The following SULF2 variants were observed in gnomAD, a reference collection of about 807,000 sequenced individuals.
The protein encoded by SULF2 is sulfatase 2.
Under a neutral mutation model 107.7 loss-of-function variants are expected in SULF2, and 52 were observed. That is an observed-to-expected ratio of 0.48 (90% CI 0.39 to 0.61). The LOEUF is 0.61. SULF2 is among the 20% of genes least tolerant of loss of function. SULF2 has a pLI of 0.00. For missense variants in SULF2, 993 were observed against 1,177.3 expected (o/e 0.84, Z 2.29); for synonymous variants, 460 against 464.3 (o/e 0.99, Z 0.12).
At chr20:47,664,325 G>A in intron 14 of SULF2, 136 bp from the exon 15 acceptor site, 4 of 836,772 alleles carry the variant, frequency 4.8e-6, no homozygotes, top group South Asian at 4.7e-5. Flanking sequence ...GTGGTGGTGG[G>A]TAGGGCATGA....
chr20:47,748,872 G>C (rs989323300), intron 2 of SULF2, among the ~76,000 whole-genome samples: 1 of 152,108 alleles, frequency 6.6e-6, no homozygotes, highest in African/African-American at 2.4e-5. Flanking sequence ...TGGTTTCCTC[G>C]CACTTGCTCA....
chr20:47,661,106 C>T (rs1379091137), intron 18 of SULF2, among the ~76,000 whole-genome samples: 4 of 152,128 alleles, frequency 2.6e-5, no homozygotes, highest in Admixed American at 2.6e-4. Context: ...AATCTAAACT[C>T]TACCGTGGCC....
intron 3 of SULF2, chr20:47,706,394 T>C (rs2088738629): frequency 6.6e-6 from 1 of 152,110 alleles, no homozygotes; most frequent in Non-Finnish European, 1.5e-5. Flanking sequence ...AAAAGCCAGA[T>C]AGTCAGTATT....
At chr20:47,699,921 C>T (rs2088506861) in intron 4 of SULF2, among the ~76,000 whole-genome samples, 2 of 152,180 alleles carry the variant, frequency 1.3e-5, no homozygotes, top group African/African-American at 4.8e-5. Context: ...TCCTGGCTTG[C>T]TACCCTCTTT....
intron 6 of SULF2, among the ~76,000 whole-genome samples, chr20:47,683,551 G>C (rs1849226045): frequency 6.6e-6 from 1 of 150,456 alleles, no homozygotes; most frequent in Admixed American, 6.6e-5. Flanking sequence ...AGTGAAACTT[G>C]GGCTGCAGCC....
intron 11 of SULF2, among the ~76,000 whole-genome samples, chr20:47,670,277 C>T (rs1171674934): frequency 6.6e-6 from 1 of 152,116 alleles, no homozygotes; most frequent in African/African-American, 2.4e-5. Context: ...ACTGCAACCT[C>T]CCGCTCCCAG....
At chr20:47,675,885 A>G (rs2087624324) in intron 10 of SULF2, among the ~76,000 whole-genome samples, 1 of 151,834 alleles carries the variant, frequency 6.6e-6, no homozygotes, top group South Asian at 2.1e-4. Flanking sequence ...TTATGTTTTT[A>G]GAGACAGGGT....
intron 1 of SULF2, among the ~76,000 whole-genome samples, chr20:47,781,107 G>A (rs976582510): frequency 2.6e-5 from 4 of 152,224 alleles, no homozygotes; most frequent in East Asian, 1.9e-4. Flanking sequence ...CTGGCCCCCC[G>A]AAAGCACAGG....
Position 47,755,810 on chromosome 20 carries a change from C to T in SULF2, c.175+1379G>A, listed in dbSNP as rs575960126. Reference sequence around the variant, plus strand: ...TTTTACTAAGAATCAAACTCAAAGCCCCCACCATGGCCACAAGGCCTGGTG... The same window carrying T: ...TTTTACTAAGAATCAAACTCAAAGCTCCCACCATGGCCACAAGGCCTGGTG... On this transcript the variant is annotated intron_variant, in intron 2 of 20. Transcript: ENST00000688720. 2.8e-4 allele frequency among the ~76,000 whole-genome samples: 43 copies of T among 152,300 alleles called. No individual in the cohort carries two copies. The South Asian group carries it at 8.9e-3, about 32-fold the overall frequency.
chr20:47,671,091 C>G (rs2087454686), intron 11 of SULF2, among the ~76,000 whole-genome samples: 1 of 152,166 alleles, frequency 6.6e-6, no homozygotes, highest in South Asian at 2.1e-4. Context: ...GGGAGCTGAG[C>G]CTCAGAATGG....
At chr20:47,784,717 T>C (rs569366651) in intron 1 of SULF2, among the ~76,000 whole-genome samples, 3 of 152,320 alleles carry the variant, frequency 2.0e-5, no homozygotes, top group East Asian at 1.9e-4. Flanking sequence ...AAGGAATGTT[T>C]GGAAAAGTGC....
chr20:47,773,703 G>A (rs912392961), intron 1 of SULF2, among the ~76,000 whole-genome samples: 1 of 152,226 alleles, frequency 6.6e-6, no homozygotes, highest in Admixed American at 6.5e-5. Context: ...AAGGCCTTTG[G>A]CCAAAAGCAA....
At chr20:47,730,681 CT>C (rs1346386179) in intron 3 of SULF2, among the ~76,000 whole-genome samples, 2 of 152,200 alleles carry the variant, frequency 1.3e-5, no homozygotes, top group Non-Finnish European at 2.9e-5. Flanking sequence ...AACTCCTGAC[CT>C]TGTGATCCAC....
intron 3 of SULF2, among the ~76,000 whole-genome samples, chr20:47,722,653 C>T (rs1275127328): frequency 2.0e-5 from 3 of 152,168 alleles, no homozygotes; most frequent in African/African-American, 7.2e-5. Context: ...GTTCACTCGC[C>T]AGGTGCAGTG....
At position 47,665,582 on chromosome 20, in the gene SULF2, G is replaced by A. The variant is rs113804770; in HGVS notation, c.1902+275C>T. 4.4e-3 allele frequency among the ~76,000 whole-genome samples: 667 copies of A among 152,332 alleles called. 4 individuals are homozygous for A. Among genetic ancestry groups the A allele is most frequent in the African/African-American group, 0.015 (626 of 41,572 alleles). On this transcript the variant is annotated intron_variant, in intron 13 of 20. Coordinates refer to ENST00000688720, the MANE Select transcript of SULF2 (RefSeq NM_001387048.1). ...CACTGAGGCCTCCAGTGTCTCCCCT[G>A]GGTTTGATGAAAGGCCTCCTGTAGC...
chr20:47,666,643 T>TCGCAGATCCTGGAC lies in SULF2; in HGVS notation c.1577-169_1577-156dup, dbSNP rs1036270025. 6.6e-6 allele frequency among the ~76,000 whole-genome samples: 1 copy of TCGCAGATCCTGGAC among 152,166 alleles called. No individual in the cohort carries two copies. Among genetic ancestry groups the TCGCAGATCCTGGAC allele is most frequent in the African/African-American group, 2.4e-5 (1 of 41,438 alleles). On this transcript the variant is annotated intron_variant, in intron 11 of 20. Coordinates refer to ENST00000688720, the MANE Select transcript of SULF2 (RefSeq NM_001387048.1). This position sits in a 1 kb window ranked among gnomAD's most constrained non-coding sequence, Gnocchi z 5.4. ...GGGGTCGTGGAATCTACCCGCCTGC[T>TCGCAGATCCTGGAC]CGCAGATCCTGGACCGCAGGGGAGG...
intron 18 of SULF2, 154 bp downstream of exon 18, chr20:47,661,619 G>T: frequency 3.0e-6 from 2 of 662,818 alleles, no homozygotes; most frequent in Non-Finnish European, 4.6e-6. Context: ...TCATCTGCCT[G>T]CTATGGACAG....
chr20:47,689,899 C>T (rs113690742), intron 5 of SULF2: 2 of 386,616 alleles, frequency 5.2e-6, no homozygotes, highest in Non-Finnish European at 4.5e-6. Context: ...GGTGGGAGGC[C>T]GTGTATCCCA....
intron 1 of SULF2, among the ~76,000 whole-genome samples, chr20:47,764,665 C>T (rs940413359): frequency 6.6e-6 from 1 of 152,020 alleles, no homozygotes; most frequent in African/African-American, 2.4e-5. Context: ...GGATGGAGCC[C>T]GAGAGAGAGG....
Sources: gnomAD v4.1 joint callset for allele counts (sites outside exome capture counted in the v4.1 genomes callset) on GRCh38, gnomAD v4.1.1 for gene constraint, Gnocchi (gnomAD v3.1) non-coding constraint, MANE v1.5 for transcripts, NCBI Gene and HGNC (gene_info 2026-07-23, HGNC 2026-07-21) for gene names.